ATF7: variants seen among roughly 807,000 people sequenced by gnomAD.
The protein encoded by ATF7 is cyclic AMP-dependent transcription factor ATF-7.
ATF7 carries 10 observed loss-of-function variants against 50.4 expected under a neutral mutation model. The observed-to-expected ratio is 0.20, with a 90% confidence interval of 0.12 to 0.34. The LOEUF (loss-of-function observed/expected upper bound fraction) is 0.34. Ranked by LOEUF, ATF7 falls within the 10% of genes least tolerant of loss-of-function variation. ATF7 has a pLI of 1.00. For missense variants in ATF7, 465 were observed against 613.9 expected, an observed-to-expected ratio of 0.76 and a Z score of 2.56; for synonymous variants, 201 against 226.4, an observed-to-expected ratio of 0.89 and a Z score of 1.01.
At chr12:53,596,281 T>A (rs528557922) in intron 2 of ATF7, among the ~76,000 whole-genome samples, 1 of 152,160 alleles carries the variant, frequency 6.6e-6, no homozygotes, top group Non-Finnish European at 1.5e-5. Flanking sequence ...GCCTGGGCGA[T>A]AAGAGCGAAA....
chr12:53,524,669 CT>C lies in ATF7; in HGVS notation c.1019del (p.Glu340GlyfsTer21). The C allele has an allele frequency of 6.2e-7, 1 of 1,613,656 alleles. No individual in the cohort carries two copies. The highest frequency in any genetic ancestry group is 1.1e-5 in the South Asian group (1 of 91,086). On this transcript the variant is annotated frameshift_variant, in exon 10 of 12. Transcript: ENST00000420353. LOFTEE classifies it high-confidence loss of function. The surrounding 1 kb of genome is among the most constrained non-coding windows in gnomAD (Gnocchi z 4.6). ...AGCGGGAGGCTGCAGCCCGGTTGCG[CT>C]CCAGAAAGCGCTGCCGTCGCTCATC... ...DPDERRQRFL[E>X]RNRAAASRCR...
At chr12:53,609,362 C>A (rs1020079688) in intron 1 of ATF7, among the ~76,000 whole-genome samples, 5 of 151,872 alleles carry the variant, frequency 3.3e-5, no homozygotes, top group African/African-American at 9.7e-5. Context: ...CCATGTTGGT[C>A]AGACTGGTCT....
intron 3 of ATF7, among the ~76,000 whole-genome samples, chr12:53,544,223 G>A (rs374794324): frequency 1.3e-5 from 2 of 152,168 alleles, no homozygotes; most frequent in Admixed American, 6.5e-5. Context: ...GAAGAGAAAG[G>A]CTCTTGGTAA....
intron 2 of ATF7, among the ~76,000 whole-genome samples, chr12:53,560,160 G>A (rs1941018410): frequency 6.6e-6 from 1 of 152,002 alleles, no homozygotes; most frequent in African/African-American, 2.4e-5. Context: ...CTGACCTCAT[G>A]ATCCACCCGC....
chr12:53,611,516 C>T (rs2137886631), intron 1 of ATF7, among the ~76,000 whole-genome samples: 1 of 152,310 alleles, frequency 6.6e-6, no homozygotes, highest in Non-Finnish European at 1.5e-5. Context: ...AGTTAGCAAA[C>T]TTCAACTCAT....
At chr12:53,570,629 A>T (rs1199249507) in intron 2 of ATF7, among the ~76,000 whole-genome samples, 1 of 152,096 alleles carries the variant, frequency 6.6e-6, no homozygotes, top group African/African-American at 2.4e-5. Context: ...GGATGTCAGC[A>T]AGAATGTGTT....
intron 1 of ATF7, among the ~76,000 whole-genome samples, chr12:53,616,783 G>A (rs59583932): frequency 0.049 from 7,395 of 151,264 alleles, 551 homozygotes; most frequent in African/African-American, 0.16. Context: ...TCTCTACTAA[G>A]ATACCTAAAA....
chr12:53,517,686 G>A (rs961164780), intron 11 of ATF7: 3 of 297,012 alleles, frequency 1.0e-5, no homozygotes, highest in African/African-American at 6.5e-5. Context: ...ATTCTTTCTT[G>A]TTTTTAAGAG....
intron 1 of ATF7, among the ~76,000 whole-genome samples, chr12:53,618,171 C>T (rs928689915): frequency 4.6e-5 from 7 of 152,154 alleles, no homozygotes; most frequent in African/African-American, 1.7e-4. Context: ...CCCACTGGGT[C>T]GACAGAAACA....
intron 2 of ATF7, among the ~76,000 whole-genome samples, chr12:53,585,478 A>G (rs1942636049): frequency 6.6e-6 from 1 of 152,088 alleles, no homozygotes; most frequent in African/African-American, 2.4e-5. Flanking sequence ...TTTTCACTCA[A>G]TTTTGCTGTG....
At chr12:53,605,620 A>T (rs1196525567) in intron 1 of ATF7, among the ~76,000 whole-genome samples, 1 of 152,198 alleles carries the variant, frequency 6.6e-6, no homozygotes, top group Non-Finnish European at 1.5e-5. Context: ...TAAAAGGAAG[A>T]AACAAGTAAT....
At chr12:53,541,645 A>C (rs7959058) in intron 4 of ATF7, among the ~76,000 whole-genome samples, 1 of 152,168 alleles carries the variant, frequency 6.6e-6, no homozygotes, top group Non-Finnish European at 1.5e-5. Context: ...AATCCCCTCT[A>C]CAATATCTCT....
At chr12:53,571,352 C>T (rs544774105) in intron 2 of ATF7, among the ~76,000 whole-genome samples, 61 of 152,044 alleles carry the variant, frequency 4.0e-4, no homozygotes, top group Admixed American at 9.8e-4. Flanking sequence ...TTTGTTATAA[C>T]GCCTACAGGA....
chr12:53,593,345 G>A (rs879748049), intron 2 of ATF7, among the ~76,000 whole-genome samples: 1 of 152,078 alleles, frequency 6.6e-6, no homozygotes, highest in Non-Finnish European at 1.5e-5. Flanking sequence ...AGTGAGTTAT[G>A]ATTGCACCAC....
chr12:53,518,882 CAA>C (rs762151684), intron 11 of ATF7, among the ~76,000 whole-genome samples: 17 of 126,542 alleles, frequency 1.3e-4, no homozygotes, highest in African/African-American at 4.4e-4. Context: ...CGTCTCTACT[CAA>C]AAAAAAAAAA....
intron 9 of ATF7, among the ~76,000 whole-genome samples, chr12:53,526,561 G>T (rs1194208507): frequency 6.6e-6 from 1 of 152,092 alleles, no homozygotes; most frequent in Non-Finnish European, 1.5e-5. Context: ...AATACTTTGG[G>T]ATGGCTTCTG....
intron 2 of ATF7, among the ~76,000 whole-genome samples, chr12:53,554,266 G>A (rs1272982017): frequency 6.6e-6 from 1 of 152,078 alleles, no homozygotes; most frequent in African/African-American, 2.4e-5. Context: ...GAGTAGCTGG[G>A]ACTACAGGCG....
At position 53,550,280 on chromosome 12, in the gene ATF7, C is replaced by T. The variant is rs560122451; in HGVS notation, c.145+2261G>A. Among the ~76,000 whole-genome samples, 101 of 147,836 alleles carry T rather than the reference C, an allele frequency of 6.8e-4. 2 individuals carry two copies. The highest frequency in any genetic ancestry group is 2.3e-3 in the African/African-American group (94 of 40,154). ...GGGAGGTTGTGGTGAGCCGAGATTA[C>T]GCCACTGCACTCCAGTCTGGGCAAC... On this transcript the variant is annotated intron_variant, in intron 3 of 11. Transcript: ENST00000420353.
In ATF7 at chr12:53,523,248, GACTTAGCTTAGGTTGTGTGCC is replaced by G; in HGVS notation, c.1234+7_1234+27del. 1 of 1,482,070 alleles carries G rather than the reference GACTTAGCTTAGGTTGTGTGCC, an allele frequency of 6.7e-7. No individual in the cohort carries two copies. Among genetic ancestry groups the G allele is most frequent in the Non-Finnish European group, 9.4e-7 (1 of 1,060,492 alleles). The allele number at this position is 1,482,070 out of a possible 1,614,324, so 91.8% of individuals were successfully genotyped here. A position where few individuals can be genotyped will look rare whatever the true frequency, so the allele number is the denominator to read the frequency against. On this transcript the variant is annotated splice_region_variant and intron_variant, in intron 11 of 11. Transcript: ENST00000420353. ...AGTACATGCAGTTTACTGACTGACT[GACTTAGCTTAGGTTGTGTGCC>G]ACTCACCTAAATAGCCTTGAGTCTT...
Sources: gnomAD v4.1 joint callset for allele counts (sites outside exome capture counted in the v4.1 genomes callset) on GRCh38, gnomAD v4.1.1 for gene constraint, Gnocchi (gnomAD v3.1) non-coding constraint, MANE v1.5 for transcripts, NCBI Gene and HGNC (gene_info 2026-07-23, HGNC 2026-07-21) for gene names.